The following GABRB3 variants were observed in gnomAD, a reference collection of about 807,000 sequenced individuals.
GABRB3 encodes the protein gamma-aminobutyric acid type A receptor subunit beta3, also known as gamma-aminobutyric acid receptor subunit beta-3.
A neutral mutation model predicts 52.1 loss-of-function variants in GABRB3; 14 were observed. That is an observed-to-expected ratio of 0.27 (90% CI 0.18 to 0.42). The LOEUF (loss-of-function observed/expected upper bound fraction) is 0.42, where lower values mean the gene tolerates loss of function less well. Among genes scored for constraint, GABRB3 ranks in the 10% least tolerant of loss-of-function variants. The probability of loss-of-function intolerance (pLI) is 1.00; values close to 1 mark genes in which losing one functional copy is unlikely to be tolerated. For synonymous variants in GABRB3, 260 were observed against 232.3 expected, an observed-to-expected ratio of 1.12 and a Z score of -1.08; for missense variants, 307 against 609.1, an observed-to-expected ratio of 0.50 and a Z score of 5.22.
intron 4 of GABRB3, chr15:26,614,392 C>T (rs1892183315): frequency 6.6e-6 from 1 of 152,142 alleles, no homozygotes. Context: ...AGGCAATCTT[C>T]ACCAGCTTTG....
chr15:26,601,609 TAAC>T (rs1165657476), intron 4 of GABRB3, among the ~76,000 whole-genome samples: 1 of 152,050 alleles, frequency 6.6e-6, no homozygotes, highest in African/African-American at 2.4e-5. Context: ...AAAAGAGAAA[TAAC>T]AAAAAGTTAC....
At chr15:26,606,466 A>T in intron 4 of GABRB3, among the ~76,000 whole-genome samples, 1 of 152,118 alleles carries the variant, frequency 6.6e-6, no homozygotes, top group East Asian at 1.9e-4. Flanking sequence ...AAATTGAAAA[A>T]ATATTCTCAA....
At chr15:26,556,654 G>C (rs1036132) in intron 8 of GABRB3, among the ~76,000 whole-genome samples, 1 of 151,878 alleles carries the variant, frequency 6.6e-6, no homozygotes, top group African/African-American at 2.4e-5. Context: ...CTAGTCTGGG[G>C]AGATACTAAG....
At chr15:26,629,138 G>A in intron 3 of GABRB3, 1 of 1,520,230 alleles carries the variant, frequency 6.6e-7, no homozygotes, top group South Asian at 1.2e-5. Flanking sequence ...CTGAAGCTCG[G>A]GGAGGCGCAG....
chr15:26,655,517 C>T (rs540671781), intron 3 of GABRB3, among the ~76,000 whole-genome samples: 78 of 152,100 alleles, frequency 5.1e-4, no homozygotes, highest in Non-Finnish European at 1.1e-3. Context: ...CCAAGGCAGG[C>T]GGATCACGAG....
intron 3 of GABRB3, chr15:26,716,479 A>T: frequency 3.9e-6 from 2 of 514,174 alleles, no homozygotes; most frequent in Non-Finnish European, 5.0e-6. Flanking sequence ...CCATCTTCAC[A>T]ATTGCCATGA....
intron 6 of GABRB3, among the ~76,000 whole-genome samples, chr15:26,567,973 T>C (rs1338798909): frequency 1.3e-5 from 2 of 152,220 alleles, no homozygotes; most frequent in Non-Finnish European, 2.9e-5. Flanking sequence ...AAACGCTCGG[T>C]TGAGAACTTG....
intron 3 of GABRB3, among the ~76,000 whole-genome samples, chr15:26,636,545 A>G (rs993313184): frequency 6.6e-6 from 1 of 152,042 alleles, no homozygotes; most frequent in Non-Finnish European, 1.5e-5. Flanking sequence ...TCTCTTCTCT[A>G]TCTGCACTCC....
intron 3 of GABRB3, among the ~76,000 whole-genome samples, chr15:26,740,744 G>C (rs932210635): frequency 6.6e-6 from 1 of 152,186 alleles, no homozygotes; most frequent in East Asian, 1.9e-4. Context: ...CACATCTAAC[G>C]TGATGGTCAG....
chr15:26,591,709 T>G (rs1001239018), intron 4 of GABRB3, among the ~76,000 whole-genome samples: 6 of 152,166 alleles, frequency 3.9e-5, no homozygotes, highest in African/African-American at 1.4e-4. Context: ...TAAAGTACTT[T>G]GAGTCACTCC....
chr15:26,569,423 G>A (rs1031745085), intron 6 of GABRB3: 1 of 152,158 alleles, frequency 6.6e-6, no homozygotes, highest in Non-Finnish European at 1.5e-5. Flanking sequence ...TGTCATCATA[G>A]CATAATAATT....
chr15:26,652,568 TAAAAATATATTAAAA>T (rs1887230738), intron 3 of GABRB3, among the ~76,000 whole-genome samples: 1 of 151,982 alleles, frequency 6.6e-6, no homozygotes, highest in South Asian at 2.1e-4. Context: ...GTGTCCTTAA[TAAAAATATATTAAAA>T]ATATAAATAT....
chr15:26,657,489 A>C (rs535469308), intron 3 of GABRB3, among the ~76,000 whole-genome samples: 83 of 152,188 alleles, frequency 5.5e-4, no homozygotes, highest in Non-Finnish European at 1.0e-3. Context: ...CAAGTTAGCC[A>C]CCCAATATGC....
intron 4 of GABRB3, among the ~76,000 whole-genome samples, chr15:26,586,501 G>T (rs1018023591): frequency 1.3e-5 from 2 of 151,316 alleles, no homozygotes; most frequent in African/African-American, 4.9e-5. Flanking sequence ...AGGGAGAAGG[G>T]GAACCTGAGG....
intron 3 of GABRB3, among the ~76,000 whole-genome samples, chr15:26,742,383 G>GAAA (rs11455423): frequency 6.2e-5 from 9 of 144,604 alleles, no homozygotes; most frequent in African/African-American, 2.3e-4. Context: ...ATGATGTATT[G>GAAA]AAAAAAAAAA....
chr15:26,647,354 A>G (rs1019274316), intron 3 of GABRB3, among the ~76,000 whole-genome samples: 4 of 152,198 alleles, frequency 2.6e-5, no homozygotes, highest in African/African-American at 9.6e-5. Context: ...TTAAATTTTG[A>G]TGAAGTCCAA....
At chr15:26,591,397 C>T in intron 4 of GABRB3, among the ~76,000 whole-genome samples, 1 of 152,212 alleles carries the variant, frequency 6.6e-6, no homozygotes, top group East Asian at 1.9e-4. Context: ...AGAGGGACAT[C>T]TGTTTCTATA....
chr15:26,593,337 T>C (rs1891274218), intron 4 of GABRB3, among the ~76,000 whole-genome samples: 1 of 152,220 alleles, frequency 6.6e-6, no homozygotes, highest in South Asian at 2.1e-4. Context: ...ATATAAAATG[T>C]ACCATTTTAG....
At chr15:26,622,509 C>T (rs141373539) in intron 3 of GABRB3, among the ~76,000 whole-genome samples, 447 of 152,300 alleles carry the variant, frequency 2.9e-3, no homozygotes, top group Non-Finnish European at 4.3e-3. Flanking sequence ...AATTATCCAA[C>T]CACGGAGGGG....
Sources: gnomAD v4.1 joint callset for allele counts (sites outside exome capture counted in the v4.1 genomes callset) on GRCh38, gnomAD v4.1.1 for gene constraint, MANE v1.5 for transcripts, NCBI Gene and HGNC (gene_info 2026-07-23, HGNC 2026-07-21) for gene names.